The following ANKRD17 variants were observed in gnomAD, a reference collection of about 807,000 sequenced individuals.
ANKRD17 encodes the protein ankyrin repeat domain 17.
A neutral mutation model predicts 229.7 loss-of-function variants in ANKRD17; 19 were observed. The ratio of observed to expected loss-of-function variants is 0.08; its 90% confidence interval spans 0.06 to 0.12. The LOEUF (loss-of-function observed/expected upper bound fraction) is 0.12, where lower values mean the gene tolerates loss of function less well. ANKRD17 is among the 10% of genes least tolerant of loss of function. ANKRD17 has a pLI of 1.00. For synonymous variants in ANKRD17, 1,112 were observed against 1,146.1 expected, an observed-to-expected ratio of 0.97 and a Z score of 0.60; for missense variants, 2,176 against 3,176.8, an observed-to-expected ratio of 0.68 and a Z score of 7.57.
intron 30 of ANKRD17, among the ~76,000 whole-genome samples, chr4:73,082,791 G>T (rs1357642221): frequency 6.6e-6 from 1 of 152,076 alleles, no homozygotes; most frequent in Non-Finnish European, 1.5e-5. Flanking sequence ...AAAGAGATAT[G>T]GGAATTAAGT....
At chr4:73,151,803 T>C (rs1731029596) in intron 6 of ANKRD17, among the ~76,000 whole-genome samples, 1 of 152,146 alleles carries the variant, frequency 6.6e-6, no homozygotes, top group East Asian at 1.9e-4. Flanking sequence ...ATGTTCCCTC[T>C]ACAACCTTTT....
chr4:73,232,162 G>C (rs1204257052), intron 1 of ANKRD17, among the ~76,000 whole-genome samples: 3 of 152,216 alleles, frequency 2.0e-5, no homozygotes, highest in Admixed American at 6.5e-5. Context: ...GCAAAGATGA[G>C]AGGGCTAAGT....
intron 22 of ANKRD17, among the ~76,000 whole-genome samples, chr4:73,118,067 A>G (rs1476413642): frequency 2.0e-5 from 3 of 152,070 alleles, no homozygotes; most frequent in Non-Finnish European, 4.4e-5. Context: ...CCCGGGCTGG[A>G]GTGCGGTGGT....
rs747806964 is a variant in ANKRD17 at position 73,090,775 on chromosome 4, A to G, written c.6853T>C (p.Ser2285Pro). 3 of 1,614,198 alleles carry G rather than the reference A, an allele frequency of 1.9e-6. No homozygotes were observed. Among genetic ancestry groups the G allele is most frequent in the Non-Finnish European group, 2.5e-6 (3 of 1,180,038 alleles). The part of the protein sequence containing the change: ...SSQSTPESML[S>P]GKSSYLPNSD... ...TTTGGCAAATATGAGGATTTTCCTGATAGCATAGATTCTGGTGTTGACTGA... is the reference window on the plus strand; with the variant it reads ...TTTGGCAAATATGAGGATTTTCCTGGTAGCATAGATTCTGGTGTTGACTGA... Residue 2285 changes from serine to proline, a missense_variant, in exon 29 of 34, where the codon TCA (serine) becomes CCA (proline). Physicochemically the swap from Ser to Pro is moderately conservative, Grantham distance 74. Coordinates refer to ENST00000358602, the MANE Select transcript of ANKRD17 (RefSeq NM_032217.5).
chr4:73,222,787 C>A (rs550901458), intron 1 of ANKRD17, among the ~76,000 whole-genome samples: 1 of 152,242 alleles, frequency 6.6e-6, no homozygotes, highest in African/African-American at 2.4e-5. Flanking sequence ...TAATTATAGA[C>A]GTCTATAGTA....
intron 1 of ANKRD17, among the ~76,000 whole-genome samples, chr4:73,217,766 G>A (rs1271794277): frequency 1.3e-5 from 2 of 151,984 alleles, no homozygotes; most frequent in African/African-American, 4.8e-5. Flanking sequence ...TTTCATGCAC[G>A]AAACTACTAA....
At chr4:73,217,993 A>T (rs1741310986) in intron 1 of ANKRD17, among the ~76,000 whole-genome samples, 1 of 152,046 alleles carries the variant, frequency 6.6e-6, no homozygotes, top group Non-Finnish European at 1.5e-5. Flanking sequence ...ATGTGTGTGT[A>T]TGTTTGTGTG....
At chr4:73,110,179 A>C (rs1288007720) in intron 24 of ANKRD17, among the ~76,000 whole-genome samples, 2 of 152,352 alleles carry the variant, frequency 1.3e-5, no homozygotes, top group East Asian at 3.9e-4. Context: ...CCAAGAACGT[A>C]ACTTAGTTGT....
intron 24 of ANKRD17, among the ~76,000 whole-genome samples, chr4:73,110,468 T>A (rs1725177122): frequency 6.6e-6 from 1 of 152,154 alleles, no homozygotes. Context: ...ATGCCCAGTT[T>A]TCTGCAGCAG....
Position 73,097,133 on chromosome 4 carries a change from T to C in ANKRD17, c.5161A>G (p.Lys1721Glu). 6.2e-7 allele frequency: 1 copy of C among 1,610,114 alleles called. No homozygotes were observed. Among genetic ancestry groups the C allele is most frequent in the Non-Finnish European group, 8.5e-7 (1 of 1,178,740 alleles). ...ATTACTCACCTTCTTACAACTTCTT[T>C]CCATCCTTCTTCCCTCTTTTGCCCA... ...KRGQKREEGW[K>E]EVVRRSKKVS... The change falls in exon 27 of 34, where the codon AAA (lysine) becomes GAA (glutamate). Residue 1721 changes from lysine to glutamate, a missense_variant. Physicochemically the swap from Lys to Glu is moderately conservative, Grantham distance 56 (BLOSUM62 1). Transcript: ENST00000358602.
intron 6 of ANKRD17, 104 bp from the exon 7 acceptor site, chr4:73,151,628 AT>A: frequency 1.2e-6 from 1 of 843,420 alleles, no homozygotes; most frequent in Non-Finnish European, 1.7e-6. Context: ...ACAGCATTAA[AT>A]TTATAAGCAT....
intron 1 of ANKRD17, among the ~76,000 whole-genome samples, chr4:73,213,401 G>A (rs1185729365): frequency 1.3e-5 from 2 of 152,200 alleles, no homozygotes; most frequent in East Asian, 3.9e-4. Flanking sequence ...TCATGATTAA[G>A]TAGGCAGTAT....
intron 5 of ANKRD17, 99 bp downstream of exon 5, chr4:73,155,532 G>T: frequency 7.4e-7 from 1 of 1,351,084 alleles, no homozygotes. Context: ...CTTCTAATAA[G>T]AGAACTGAAA....
chr4:73,113,080 G>A, intron 24 of ANKRD17: 12 of 1,175,630 alleles, frequency 1.0e-5, no homozygotes, highest in South Asian at 1.7e-5. Flanking sequence ...GAGCTACTGC[G>A]CCCAGCCACT....
At chr4:73,112,811 G>A (rs1725478747) in intron 24 of ANKRD17, 3 of 597,010 alleles carry the variant, frequency 5.0e-6, no homozygotes, top group African/African-American at 2.0e-5. Flanking sequence ...TTTTTGAGAC[G>A]GAGTCTCACT....
intron 21 of ANKRD17, among the ~76,000 whole-genome samples, chr4:73,119,326 C>A (rs1019067263): frequency 4.6e-5 from 7 of 152,108 alleles, no homozygotes; most frequent in South Asian, 4.1e-4. Flanking sequence ...ACTACACAAA[C>A]AATATCCTAT....
chr4:73,223,087 A>G (rs1578450430), intron 1 of ANKRD17: 1 of 1,518,056 alleles, frequency 6.6e-7, no homozygotes, highest in Non-Finnish European at 8.8e-7. Flanking sequence ...CAGCAGGAAC[A>G]CTCCTCTGTG....
At position 73,140,095 on chromosome 4, in the gene ANKRD17, C is replaced by G; in HGVS notation, c.2521G>C (p.Asp841His). The change falls in exon 15 of 34, where the codon GAC becomes CAC. Residue 841 changes from aspartate (D) to histidine (H), a missense_variant. By Grantham distance (81) the Asp-to-His change is moderately conservative. Around this residue, in one of 18 missense-constraint regions of ANKRD17, gnomAD observed 275 missense variants for 386.9 expected, o/e 0.71. Coordinates refer to ENST00000358602, the MANE Select transcript of ANKRD17 (RefSeq NM_032217.5). Reference protein sequence around the residue: ...QLQSLELAHADQLTKEKIEEL... With the variant: ...QLQSLELAHAHQLTKEKIEEL... ...TCGATCTTCTCCTTGGTAAGTTGGT[C>G]AGCATGAGCCAGTTCCAAGGACTGC... 6.2e-7 allele frequency: 1 copy of G among 1,614,182 alleles called. No individual in the cohort carries two copies. Among genetic ancestry groups the G allele is most frequent in the South Asian group, 1.1e-5 (1 of 91,076 alleles).
rs1001004406 is a variant in ANKRD17, at chr4:73,101,014, A to G, written c.4573+1362T>C. 3.1e-6 allele frequency: 3 copies of G among 966,160 alleles called. No homozygotes were observed. In the African/African-American group the frequency reaches 5.3e-5, roughly 17 times the overall value. The allele number at this position is 966,160 out of a possible 1,614,324, so 59.8% of individuals were successfully genotyped here. A position where few individuals can be genotyped will look rare whatever the true frequency, so the allele number is the denominator to read the frequency against. On this transcript the variant is annotated intron_variant, in intron 25 of 33. Coordinates refer to ENST00000358602, the MANE Select transcript of ANKRD17 (RefSeq NM_032217.5). ...CGAATTTAAAAAATACAGTATAACA[A>G]CTATTTACATAGCATTTGCGTTAGG...
Sources: allele counts gnomAD v4.1 joint callset (sites outside exome capture counted in the v4.1 genomes callset), GRCh38; gene constraint gnomAD v4.1.1; regional missense constraint gnomAD v4.1.1; transcripts MANE v1.5; gene names NCBI Gene and HGNC (gene_info 2026-07-23, HGNC 2026-07-21).